MYRIP: variants seen among roughly 807,000 people sequenced by gnomAD.
MYRIP encodes myosin VIIA and Rab interacting protein.
A neutral mutation model predicts 98.0 loss-of-function variants in MYRIP; 49 were observed. The ratio of observed to expected loss-of-function variants is 0.50; its 90% CI spans 0.40 to 0.63. The LOEUF (loss-of-function observed/expected upper bound fraction) is 0.63, where lower values mean the gene tolerates loss of function less well. Among genes scored for constraint, MYRIP ranks in the 30% least tolerant of loss-of-function variants. The probability of loss-of-function intolerance (pLI) is 0.00; values close to 1 mark genes in which losing one functional copy is unlikely to be tolerated. For missense variants in MYRIP, 1,004 were observed against 1,058.2 expected, an observed-to-expected ratio of 0.95 and a Z score of 0.71; for synonymous variants, 404 against 409.5, an observed-to-expected ratio of 0.99 and a Z score of 0.16.
intron 2 of MYRIP, among the ~76,000 whole-genome samples, chr3:39,943,205 C>A (rs1206981002): frequency 6.6e-6 from 1 of 152,154 alleles, no homozygotes; most frequent in African/African-American, 2.4e-5. Flanking sequence ...AACTTTTGAA[C>A]CTAAGTGCTT....
intron 1 of MYRIP, among the ~76,000 whole-genome samples, chr3:39,820,186 G>T (rs926244976): frequency 1.7e-4 from 26 of 152,204 alleles, no homozygotes; most frequent in African/African-American, 5.5e-4. Flanking sequence ...TTTGCCAAAA[G>T]CCTCAAATAA....
At chr3:39,838,523 A>T (rs1345781000) in intron 1 of MYRIP, among the ~76,000 whole-genome samples, 1 of 151,642 alleles carries the variant, frequency 6.6e-6, no homozygotes, top group East Asian at 1.9e-4. Context: ...ATTGATTTGC[A>T]TATGTTGAAC....
At chr3:39,837,851 T>G (rs1941675710) in intron 1 of MYRIP, among the ~76,000 whole-genome samples, 2 of 152,252 alleles carry the variant, frequency 1.3e-5, no homozygotes, top group African/African-American at 4.8e-5. Context: ...TCCATGAGCA[T>G]GGAATGTTTT....
chr3:40,215,277 T>C (rs138901119), intron 11 of MYRIP, among the ~76,000 whole-genome samples: 73 of 152,292 alleles, frequency 4.8e-4, no homozygotes, highest in Middle Eastern at 3.4e-3. Context: ...TCAAACTGAC[T>C]CATAGTTTCA....
intron 16 of MYRIP, among the ~76,000 whole-genome samples, chr3:40,256,943 C>T (rs909768045): frequency 6.6e-6 from 1 of 152,062 alleles, no homozygotes; most frequent in African/African-American, 2.4e-5. Flanking sequence ...CATACAGACA[C>T]ACAAAAATCG....
At chr3:40,155,772 TG>T (rs1559424688) in intron 4 of MYRIP, among the ~76,000 whole-genome samples, 1 of 152,184 alleles carries the variant, frequency 6.6e-6, no homozygotes, top group Non-Finnish European at 1.5e-5. Flanking sequence ...ATGTGTTTTT[TG>T]GCTGCATAAA....
At chr3:40,103,302 C>T (rs992262821) in intron 3 of MYRIP, among the ~76,000 whole-genome samples, 1 of 152,166 alleles carries the variant, frequency 6.6e-6, no homozygotes, top group African/African-American at 2.4e-5. Context: ...GCCTAGGCAC[C>T]CTTGCCCCAC....
At chr3:40,219,339 TTTA>T (rs1477829305) in intron 11 of MYRIP, among the ~76,000 whole-genome samples, 2 of 152,232 alleles carry the variant, frequency 1.3e-5, no homozygotes, top group Non-Finnish European at 2.9e-5. Flanking sequence ...TTTTTTAAAC[TTTA>T]TTATTATCAT....
At chr3:40,249,570 G>C (rs1003621260) in intron 13 of MYRIP, among the ~76,000 whole-genome samples, 18 of 152,318 alleles carry the variant, frequency 1.2e-4, no homozygotes, top group Middle Eastern at 3.4e-3. Flanking sequence ...CATTTCTGGA[G>C]ACAGGGGAGG....
At chr3:40,214,346 C>T (rs1043241691) in intron 11 of MYRIP, among the ~76,000 whole-genome samples, 6 of 152,136 alleles carry the variant, frequency 3.9e-5, no homozygotes, top group African/African-American at 7.2e-5. Flanking sequence ...TGTGGATATG[C>T]CCGTAGACAC....
chr3:40,095,926 C>G (rs1416182204), intron 3 of MYRIP, among the ~76,000 whole-genome samples: 2 of 151,618 alleles, frequency 1.3e-5, no homozygotes, highest in Non-Finnish European at 2.9e-5. Context: ...ATCCTTTTTT[C>G]TCACACACAC....
chr3:39,876,169 C>A (rs1482488830), intron 1 of MYRIP, among the ~76,000 whole-genome samples: 1 of 152,208 alleles, frequency 6.6e-6, no homozygotes, highest in South Asian at 2.1e-4. Flanking sequence ...GCAACCCCTG[C>A]CTTTTTTTGT....
At chr3:40,011,005 TG>T (rs777118253) in intron 2 of MYRIP, among the ~76,000 whole-genome samples, 13 of 152,136 alleles carry the variant, frequency 8.5e-5, no homozygotes, top group Non-Finnish European at 1.6e-4. Context: ...TTAGGACTAG[TG>T]GGGTGGCTCC....
intron 12 of MYRIP, 86 bp downstream of exon 12, chr3:40,234,139 A>C: frequency 7.4e-7 from 1 of 1,354,386 alleles, no homozygotes; most frequent in Non-Finnish European, 1.0e-6. Flanking sequence ...GAAGAGTGCA[A>C]GGACACACAC....
chr3:40,033,611 G>A (rs185331390), intron 2 of MYRIP, among the ~76,000 whole-genome samples: 1 of 152,304 alleles, frequency 6.6e-6, no homozygotes, highest in Non-Finnish European at 1.5e-5. Context: ...CTCATGGGTA[G>A]GAAGAATCAA....
intron 1 of MYRIP, among the ~76,000 whole-genome samples, chr3:39,852,893 G>T (rs1207294686): frequency 6.6e-6 from 1 of 152,158 alleles, no homozygotes. Context: ...CGATTCTCCT[G>T]CCTTAGCCAC....
intron 1 of MYRIP, among the ~76,000 whole-genome samples, chr3:39,850,606 T>C (rs930823517): frequency 7.9e-5 from 12 of 152,248 alleles, no homozygotes; most frequent in Non-Finnish European, 2.9e-5. Flanking sequence ...TCCCTTTATT[T>C]TGAGAACAAA....
intron 1 of MYRIP, among the ~76,000 whole-genome samples, chr3:39,888,093 G>C (rs1446845801): frequency 6.6e-6 from 1 of 151,834 alleles, no homozygotes; most frequent in Non-Finnish European, 1.5e-5. Context: ...CGTGAAAATG[G>C]CCATACTTCC....
intron 12 of MYRIP, among the ~76,000 whole-genome samples, chr3:40,237,231 C>T (rs1952849356): frequency 1.3e-5 from 2 of 152,126 alleles, no homozygotes; most frequent in African/African-American, 2.4e-5. Context: ...CCCATAAAAC[C>T]TATGCATGTA....
Sources: gnomAD v4.1 joint callset for allele counts (sites outside exome capture counted in the v4.1 genomes callset) on GRCh38, gnomAD v4.1.1 for gene constraint, MANE v1.5 for transcripts, NCBI Gene and HGNC (gene_info 2026-07-23, HGNC 2026-07-21) for gene names.